Variants in ASB3 observed in about 807,000 individuals in gnomAD.
ASB3 encodes the protein ankyrin repeat and SOCS box containing 3, also known as ankyrin repeat and SOCS box protein 3.
In ASB3, 41 loss-of-function variants were observed where a neutral mutation model predicts 54.5. The observed-to-expected ratio is 0.75, with a 90% CI of 0.59 to 0.98. The LOEUF is 0.98. Ranked by LOEUF, ASB3 falls within the 50% of genes least tolerant of loss-of-function variation. The pLI is 0.00. For missense variants in ASB3, 733 were observed against 620.0 expected, an observed-to-expected ratio of 1.18 and a Z score of -1.94; for synonymous variants, 266 against 221.2, an observed-to-expected ratio of 1.20 and a Z score of -1.80.
intron 5 of ASB3, among the ~76,000 whole-genome samples, chr2:53,718,360 T>C (rs1670514345): frequency 6.6e-6 from 1 of 152,150 alleles, no homozygotes; most frequent in Admixed American, 6.5e-5. Flanking sequence ...GGGGGTCTAT[T>C]TTCAGCATTC....
chr2:53,772,387 G>C (rs1673997736), intron 1 of ASB3, among the ~76,000 whole-genome samples: 1 of 152,150 alleles, frequency 6.6e-6, no homozygotes, highest in South Asian at 2.1e-4. Flanking sequence ...TGTTAGCCAG[G>C]ATGGTCTCAA....
intron 9 of ASB3, among the ~76,000 whole-genome samples, chr2:53,692,368 G>C (rs1668962443): frequency 6.6e-6 from 1 of 152,068 alleles, no homozygotes; most frequent in South Asian, 2.1e-4. Flanking sequence ...AAGATAGTTG[G>C]GATAAATGAG....
intron 7 of ASB3, among the ~76,000 whole-genome samples, chr2:53,707,063 T>C (rs1047622517): frequency 6.6e-6 from 1 of 152,190 alleles, no homozygotes; most frequent in African/African-American, 2.4e-5. Flanking sequence ...AAATCAGCTG[T>C]AGGAGAGTTA....
At chr2:53,786,310 C>G (rs1004728818) in intron 1 of ASB3, 3 of 152,142 alleles carry the variant, frequency 2.0e-5, no homozygotes, top group African/African-American at 7.2e-5. Context: ...AACAACACCC[C>G]AACACTTCAA....
At chr2:53,755,911 G>A (rs1350022191) in intron 2 of ASB3, among the ~76,000 whole-genome samples, 1 of 152,134 alleles carries the variant, frequency 6.6e-6, no homozygotes, top group Non-Finnish European at 1.5e-5. Context: ...CAGCACTTTG[G>A]GAGGCCAAGG....
At chr2:53,688,907 C>A (rs1164115606) in intron 9 of ASB3, among the ~76,000 whole-genome samples, 1 of 151,548 alleles carries the variant, frequency 6.6e-6, no homozygotes, top group African/African-American at 2.4e-5. Context: ...ACGTCCTGCA[C>A]ATGTATCCCA....
chr2:53,678,492 T>A (rs1435331931), intron 9 of ASB3, among the ~76,000 whole-genome samples: 3 of 152,184 alleles, frequency 2.0e-5, no homozygotes, highest in Non-Finnish European at 2.9e-5. Context: ...CTTGACCAAT[T>A]TGTGAGAAGT....
At chr2:53,708,381 T>C (rs537032559) in intron 7 of ASB3, among the ~76,000 whole-genome samples, 1 of 152,324 alleles carries the variant, frequency 6.6e-6, no homozygotes, top group African/African-American at 2.4e-5. Context: ...GTACAACCTG[T>C]GGAACTATGG....
At chr2:53,683,446 T>G (rs907823769) in intron 9 of ASB3, among the ~76,000 whole-genome samples, 6 of 152,176 alleles carry the variant, frequency 3.9e-5, no homozygotes, top group Admixed American at 3.9e-4. Context: ...TGTTTTGTTT[T>G]TGATGTGTCT....
chr2:53,726,830 C>A (rs7573991), intron 5 of ASB3, among the ~76,000 whole-genome samples: 2 of 151,712 alleles, frequency 1.3e-5, no homozygotes, highest in South Asian at 2.1e-4. Flanking sequence ...CCCAGTAGCT[C>A]GGACAGGTGC....
rs767405027 is a variant in ASB3, at chr2:53,750,741, A to G, written c.355+42T>C. 12 of 1,433,974 alleles carry G rather than the reference A, an allele frequency of 8.4e-6. No individual in the cohort carries two copies. The South Asian group carries it at 1.9e-4, about 23-fold the overall frequency. 88.8% of individuals were successfully genotyped at this position (1,433,974 alleles called of 1,614,324 possible). Reference sequence around the variant, plus strand: ...AAGCTTAGTTTAACAAAAAAATAATAATGATGAAAAATTGCATCTGCACCA... The same window carrying G: ...AAGCTTAGTTTAACAAAAAAATAATGATGATGAAAAATTGCATCTGCACCA... On this transcript the variant is annotated intron_variant, in intron 3 of 9. Transcript: ENST00000263634.
At chr2:53,745,749 G>A (rs1283503333) in intron 3 of ASB3, among the ~76,000 whole-genome samples, 15 of 152,138 alleles carry the variant, frequency 9.9e-5, no homozygotes, top group Admixed American at 9.2e-4. Context: ...CTTCCCTTGA[G>A]GGAGAGAAAC....
intron 9 of ASB3, among the ~76,000 whole-genome samples, chr2:53,691,667 A>G (rs1475468774): frequency 6.6e-6 from 1 of 152,108 alleles, no homozygotes; most frequent in East Asian, 1.9e-4. Flanking sequence ...CCGATGACCA[A>G]CATACAGAAA....
chr2:53,725,847 A>T (rs1670964503), intron 5 of ASB3, among the ~76,000 whole-genome samples: 1 of 152,208 alleles, frequency 6.6e-6, no homozygotes, highest in Non-Finnish European at 1.5e-5. Flanking sequence ...CATGATTTCT[A>T]TAGGGTAGAT....
At chr2:53,771,519 A>G (rs968713888) in intron 1 of ASB3, among the ~76,000 whole-genome samples, 1 of 152,104 alleles carries the variant, frequency 6.6e-6, no homozygotes, top group Non-Finnish European at 1.5e-5. Context: ...GTCTCAAAAA[A>G]TAAATAAATA....
chr2:53,705,880 A>C (rs1262956291), intron 7 of ASB3, among the ~76,000 whole-genome samples: 1 of 152,096 alleles, frequency 6.6e-6, no homozygotes, highest in Non-Finnish European at 1.5e-5. Flanking sequence ...CCAGAGAGGG[A>C]CAGTATGAAA....
At chr2:53,688,966 A>G (rs1338281514) in intron 9 of ASB3, among the ~76,000 whole-genome samples, 1 of 152,244 alleles carries the variant, frequency 6.6e-6, no homozygotes, top group African/African-American at 2.4e-5. Context: ...GTGGTACACA[A>G]TTATCCCTCT....
At position 53,725,325 on chromosome 2, in the gene ASB3, C is replaced by G. The variant is rs376874342; in HGVS notation, c.604+3387G>C. On this transcript the variant is annotated intron_variant, in intron 5 of 9. Coordinates refer to ENST00000263634, the MANE Select transcript of ASB3 (RefSeq NM_016115.5). ...AACAGGGCAAGGGCTGAAAAGCGAA[C>G]TGTTGAGTACTATGCCCACTGTCTA... 8.5e-3 allele frequency among the ~76,000 whole-genome samples: 1,296 copies of G among 152,314 alleles called. 17 individuals carry two copies. Among genetic ancestry groups the G allele is most frequent in the Non-Finnish European group, 0.014 (954 of 68,042 alleles).
intron 9 of ASB3, among the ~76,000 whole-genome samples, chr2:53,689,108 A>G (rs1668777576): frequency 6.6e-6 from 1 of 152,078 alleles, no homozygotes; most frequent in African/African-American, 2.4e-5. Context: ...GTCTAGTGCT[A>G]TATTAAGAGT....
Sources: allele counts gnomAD v4.1 joint callset (sites outside exome capture counted in the v4.1 genomes callset), GRCh38; gene constraint gnomAD v4.1.1; transcripts MANE v1.5; gene names NCBI Gene and HGNC (gene_info 2026-07-23, HGNC 2026-07-21).